Variants in PARP8 observed in about 807,000 individuals in gnomAD.
PARP8 encodes poly(ADP-ribose) polymerase family member 8.
In PARP8, 51 loss-of-function variants were observed where a neutral mutation model predicts 124.1. The observed-to-expected ratio is 0.41, with a 90% confidence interval of 0.33 to 0.52. The LOEUF is 0.52. Ranked by LOEUF, PARP8 falls within the 20% of genes least tolerant of loss-of-function variation. The probability of loss-of-function intolerance (pLI) is 0.21; values close to 1 mark genes in which losing one functional copy is unlikely to be tolerated. For synonymous variants in PARP8, 391 were observed against 361.5 expected, an observed-to-expected ratio of 1.08 and a Z score of -0.93; for missense variants, 860 against 1,018.9, an observed-to-expected ratio of 0.84 and a Z score of 2.12.
Position 50,807,854 on chromosome 5 carries a change from A to C in PARP8, c.1576-7578A>C, listed in dbSNP as rs1048024103. Among the ~76,000 whole-genome samples the C allele has an allele frequency of 9.9e-5, 15 of 152,018 alleles. No individual in the cohort carries two copies. The East Asian group carries it at 1.2e-3, about 12-fold the overall frequency. ...TATGATCTCATTCTCTTCTCCTGTCATGTGAAATGTCCTGGGTTACTTGCT... is the reference window on the plus strand; with the variant it reads ...TATGATCTCATTCTCTTCTCCTGTCCTGTGAAATGTCCTGGGTTACTTGCT... On this transcript the variant is annotated intron_variant, in intron 14 of 25. Transcript: ENST00000281631.
intron 14 of PARP8, among the ~76,000 whole-genome samples, chr5:50,800,411 T>G (rs967673979): frequency 1.7e-4 from 26 of 152,200 alleles, no homozygotes; most frequent in African/African-American, 4.8e-4. Context: ...CAGGATGCCT[T>G]TTATTACTTT....
intron 2 of PARP8, chr5:50,745,000 CTGTT>C: frequency 2.1e-6 from 1 of 476,176 alleles, no homozygotes; most frequent in Non-Finnish European, 3.8e-6. Flanking sequence ...TCATCCATGT[CTGTT>C]TGTACTAGAT....
chr5:50,815,599 C>A, intron 15 of PARP8, 75 bp downstream of exon 15: 2 of 1,024,316 alleles, frequency 2.0e-6, no homozygotes, highest in South Asian at 1.9e-5. Context: ...TATCTTCATT[C>A]TGCTATTCTT....
chr5:50,673,884 A>G (rs1339514548), intron 2 of PARP8, among the ~76,000 whole-genome samples: 1 of 152,228 alleles, frequency 6.6e-6, no homozygotes, highest in Non-Finnish European at 1.5e-5. Context: ...AATTTTATCA[A>G]TCCTAAAAAT....
At chr5:50,724,283 T>G (rs1756194770) in intron 2 of PARP8, among the ~76,000 whole-genome samples, 1 of 152,180 alleles carries the variant, frequency 6.6e-6, no homozygotes, top group Non-Finnish European at 1.5e-5. Flanking sequence ...AAATTGATTC[T>G]TTACTTTTAC....
chr5:50,808,787 T>C (rs564407099), intron 14 of PARP8, among the ~76,000 whole-genome samples: 81 of 152,048 alleles, frequency 5.3e-4, no homozygotes, highest in Non-Finnish European at 9.7e-4. Context: ...CCCATGAAAA[T>C]TGATGAGAAA....
rs138444147 is a variant in PARP8, at chr5:50,797,259, G to A, written c.1575+26G>A. 659 of 1,484,142 alleles carry A rather than the reference G, an allele frequency of 4.4e-4. 3 individuals carry two copies. In the African/African-American group the frequency reaches 7.2e-3, roughly 16 times the overall value. 91.9% of individuals were successfully genotyped at this position (1,484,142 alleles called of 1,614,324 possible). On this transcript the variant is annotated intron_variant, in intron 14 of 25. Transcript: ENST00000281631. ...GTAAGTTCTTGCTGATAGAATGTCC[G>A]TGTTGGTTTAGAATATAGAAATATA...
intron 14 of PARP8, among the ~76,000 whole-genome samples, chr5:50,812,011 C>A (rs1006617821): frequency 2.6e-5 from 4 of 152,068 alleles, no homozygotes; most frequent in Admixed American, 2.6e-4. Context: ...GGGTTGGTTC[C>A]AAGTCTTTGC....
chr5:50,776,316 C>T (rs1331771603), intron 7 of PARP8, among the ~76,000 whole-genome samples: 1 of 152,094 alleles, frequency 6.6e-6, no homozygotes, highest in Non-Finnish European at 1.5e-5. Context: ...ATATTTGCAT[C>T]TGGTTCATCA....
In PARP8 at chr5:50,795,100, G is replaced by A. The variant is rs143769094; in HGVS notation, c.1111G>A (p.Val371Ile). Residue 371 changes from valine to isoleucine, a missense_variant, in exon 12 of 26, where the codon GTT becomes ATT. By Grantham distance (29) the Val-to-Ile change is conservative. This residue lies in a region of PARP8 where 517 missense variants were observed against 544.2 expected (regional missense o/e 0.95). Coordinates refer to ENST00000281631, the MANE Select transcript of PARP8 (RefSeq NM_024615.4). ...KLLNRPCPAA[V>I]KSEECLTLKS... ...TTTGAACCGTCCTTGCCCTGCAGCT[G>A]TTAAGTCAGAGGAATGCCTAACTCT... The A allele has an allele frequency of 7.4e-5, 120 of 1,614,176 alleles. No homozygotes were observed. The African/African-American group carries it at 1.2e-3, about 16-fold the overall frequency.
chr5:50,666,957 T>A lies in PARP8; in HGVS notation c.-139T>A. ...CTCCTCTTCTCTCACCCAGGATCAC[T>A]TCCGAAACCACTTCGCCTTCAGCCC... On this transcript the variant is annotated 5_prime_UTR_variant, in exon 1 of 26. Transcript: ENST00000281631. 2 of 1,308,234 alleles carry A rather than the reference T, an allele frequency of 1.5e-6. No individual in the cohort carries two copies. Among genetic ancestry groups the A allele is most frequent in the African/African-American group, 1.5e-5 (1 of 65,826 alleles). The allele number at this position is 1,308,234 out of a possible 1,614,324, so 81.0% of individuals were successfully genotyped here.
chr5:50,667,630 C>A, intron 1 of PARP8: 1 of 699,064 alleles, frequency 1.4e-6, no homozygotes, highest in Non-Finnish European at 2.6e-6. Context: ...CGAGGACCCC[C>A]GGGGGGCAGC....
intron 15 of PARP8, among the ~76,000 whole-genome samples, chr5:50,816,779 C>T (rs2149692418): frequency 6.6e-6 from 1 of 152,132 alleles, no homozygotes; most frequent in South Asian, 2.1e-4. Context: ...AAATAGCTAG[C>T]CTATACTTAG....
rs188410519 is a variant in PARP8 at position 50,748,931 on chromosome 5, T to G, written c.147-1220T>G. On this transcript the variant is annotated intron_variant, in intron 2 of 25. Coordinates refer to ENST00000281631, the MANE Select transcript of PARP8 (RefSeq NM_024615.4). ...TATTTTCTGCATTATTCTTTCTTTC[T>G]TCAGCCTTCTAAAACTCTAATATAC... is the stretch of plus-strand genomic sequence containing the variant. Among the ~76,000 whole-genome samples, 502 of 152,322 alleles carry G rather than the reference T, an allele frequency of 3.3e-3. 12 individuals carry two copies. Among genetic ancestry groups the G allele is most frequent in the Admixed American group, 0.032 (494 of 15,302 alleles).
At chr5:50,736,574 A>G (rs569848447) in intron 2 of PARP8, among the ~76,000 whole-genome samples, 20 of 152,314 alleles carry the variant, frequency 1.3e-4, no homozygotes, top group East Asian at 3.9e-4. Context: ...CTAAATGAAG[A>G]TGGTTCAAAT....
chr5:50,698,896 C>A (rs1753304615), intron 2 of PARP8, among the ~76,000 whole-genome samples: 1 of 152,166 alleles, frequency 6.6e-6, no homozygotes, highest in Non-Finnish European at 1.5e-5. Flanking sequence ...GTATTCAAGA[C>A]CTGTTTCCCT....
chr5:50,723,088 A>G (rs1342071263), intron 2 of PARP8, among the ~76,000 whole-genome samples: 2 of 152,150 alleles, frequency 1.3e-5, no homozygotes, highest in Admixed American at 1.3e-4. Flanking sequence ...CCTCTTACAT[A>G]TGATAATAGC....
intron 2 of PARP8, among the ~76,000 whole-genome samples, chr5:50,686,954 A>G (rs1157777398): frequency 1.3e-5 from 2 of 152,134 alleles, no homozygotes; most frequent in Admixed American, 6.5e-5. Context: ...AAGACCTTTG[A>G]CATGCCCTGG....
intron 14 of PARP8, among the ~76,000 whole-genome samples, chr5:50,803,509 C>T (rs1170401875): frequency 6.6e-6 from 1 of 151,996 alleles, no homozygotes; most frequent in Non-Finnish European, 1.5e-5. Flanking sequence ...ACACTTTGTT[C>T]ATTTTTTTCA....
Sources: allele counts gnomAD v4.1 joint callset (sites outside exome capture counted in the v4.1 genomes callset), GRCh38; gene constraint gnomAD v4.1.1; regional missense constraint gnomAD v4.1.1; transcripts MANE v1.5; gene names NCBI Gene and HGNC (gene_info 2026-07-23, HGNC 2026-07-21).